Variants in SLC35F2 observed in about 807,000 individuals in gnomAD.
SLC35F2 encodes the protein solute carrier family 35 member F2, also known as queuine/queuosine transporter SLC35F2.
SLC35F2 carries 25 observed loss-of-function variants against 38.1 expected under a neutral mutation model. The ratio of observed to expected loss-of-function variants is 0.66; its 90% CI spans 0.48 to 0.92. The LOEUF is 0.92. Among genes scored for constraint, SLC35F2 ranks in the 40% least tolerant of loss-of-function variants. The pLI, the probability that SLC35F2 is intolerant of heterozygous loss-of-function variation, is 0.00. For missense variants in SLC35F2, 409 were observed against 452.9 expected, an observed-to-expected ratio of 0.90 and a Z score of 0.88; for synonymous variants, 173 against 181.7, an observed-to-expected ratio of 0.95 and a Z score of 0.38.
chr11:107,829,123 G>T (rs1342459144), intron 1 of SLC35F2, among the ~76,000 whole-genome samples: 1 of 139,582 alleles, frequency 7.2e-6, no homozygotes, highest in African/African-American at 2.7e-5. Flanking sequence ...GAGGTCAGTA[G>T]GAAAAAAAAA....
At chr11:107,817,838 TCA>T (rs1859600736) in intron 1 of SLC35F2, among the ~76,000 whole-genome samples, 1 of 150,882 alleles carries the variant, frequency 6.6e-6, no homozygotes, top group South Asian at 2.1e-4. Context: ...GGCAGGCGGA[TCA>T]CAAAGTCAGG....
intron 3 of SLC35F2, among the ~76,000 whole-genome samples, chr11:107,809,420 C>T (rs1859446883): frequency 6.7e-6 from 1 of 148,826 alleles, no homozygotes; most frequent in Non-Finnish European, 1.5e-5. Flanking sequence ...CAAGATTATC[C>T]CACTTCACTC....
At chr11:107,821,699 A>G (rs1446399704) in intron 1 of SLC35F2, 23 of 828,880 alleles carry the variant, frequency 2.8e-5, no homozygotes, top group Non-Finnish European at 3.3e-5. Flanking sequence ...TGACCTTGGG[A>G]TATATCCTGT....
chr11:107,801,052 G>A (rs1246313885), intron 7 of SLC35F2, among the ~76,000 whole-genome samples: 4 of 151,968 alleles, frequency 2.6e-5, no homozygotes, highest in Non-Finnish European at 4.4e-5. Context: ...TTACAGGCAT[G>A]TGCCACCACA....
chr11:107,793,979 C>T (rs1165880928), intron 7 of SLC35F2, among the ~76,000 whole-genome samples: 2 of 151,888 alleles, frequency 1.3e-5, no homozygotes, highest in African/African-American at 4.8e-5. Context: ...AAATGATATA[C>T]CCCAAAAGTC....
intron 1 of SLC35F2, among the ~76,000 whole-genome samples, chr11:107,829,003 G>A (rs544682804): frequency 6.6e-5 from 10 of 151,804 alleles, no homozygotes; most frequent in African/African-American, 2.4e-4. Context: ...AGCCACTCAG[G>A]AGGCTGAGGC....
chr11:107,823,255 CTTTT>C, intron 1 of SLC35F2: 2 of 979,596 alleles, frequency 2.0e-6, no homozygotes, highest in Non-Finnish European at 2.4e-6. Flanking sequence ...TTATTCTTTT[CTTTT>C]TATTTGAAAA....
intron 1 of SLC35F2, among the ~76,000 whole-genome samples, chr11:107,817,077 A>T (rs930499229): frequency 1.4e-4 from 21 of 152,122 alleles, no homozygotes; most frequent in Non-Finnish European, 2.5e-4. Flanking sequence ...TGAGTTCGAG[A>T]CCAGCCTGGC....
chr11:107,792,719 C>T lies in SLC35F2; in HGVS notation c.1021G>A (p.Glu341Lys), dbSNP rs745418632. 53 of 1,613,796 alleles carry T rather than the reference C, an allele frequency of 3.3e-5. No individual in the cohort carries two copies. Among genetic ancestry groups the T allele is most frequent in the South Asian group, 1.8e-4 (16 of 91,006 alleles). The change falls in exon 8 of 8, where the codon GAG (glutamate) becomes AAG (lysine). Residue 341 changes from glutamate (E) to lysine (K), a missense_variant. Glu to Lys is a moderately conservative substitution (Grantham distance 56, BLOSUM62 1). Transcript: ENST00000525815. ...GGAGGCACGCTGCTTTCAGCCGGCT[C>T]GGCCGTGCGAGTAGGGGTGGAGCAG... is the stretch of plus-strand genomic sequence containing the variant. ...LYCSTPTRTA[E>K]PAESSVPPVT...
intron 1 of SLC35F2, among the ~76,000 whole-genome samples, chr11:107,838,428 G>A (rs189088996): frequency 9.6e-4 from 146 of 152,142 alleles, no homozygotes; most frequent in East Asian, 5.8e-4. Context: ...GGGTTCAAGC[G>A]ATTCTCCTGA....
intron 1 of SLC35F2, among the ~76,000 whole-genome samples, chr11:107,842,794 T>C (rs1042895361): frequency 6.6e-6 from 1 of 152,218 alleles, no homozygotes; most frequent in African/African-American, 2.4e-5. Flanking sequence ...TCTAGATATA[T>C]GTATATGTGC....
At chr11:107,855,405 C>A (rs1860260947) in intron 1 of SLC35F2, among the ~76,000 whole-genome samples, 2 of 152,170 alleles carry the variant, frequency 1.3e-5, no homozygotes. Context: ...GTAATCCCAG[C>A]ACTTTGGGAG....
intron 3 of SLC35F2, chr11:107,810,152 G>A (rs963547435): frequency 3.0e-6 from 3 of 985,270 alleles, no homozygotes; most frequent in Admixed American, 6.2e-5. Context: ...CACAGCTGTC[G>A]CTGCTGCTGG....
At chr11:107,794,272 G>A (rs1440927794) in intron 7 of SLC35F2, among the ~76,000 whole-genome samples, 1 of 151,854 alleles carries the variant, frequency 6.6e-6, no homozygotes, top group Non-Finnish European at 1.5e-5. Context: ...GTAGAGACGG[G>A]GTTTCACCAT....
At chr11:107,823,928 A>G in intron 1 of SLC35F2, 1 of 55,518 alleles carries the variant, frequency 1.8e-5, no homozygotes, top group Non-Finnish European at 2.0e-5. Context: ...GACAGTCTCA[A>G]AAAAAAAAAA....
At chr11:107,858,162 C>T (rs1860325670) in intron 1 of SLC35F2, among the ~76,000 whole-genome samples, 1 of 152,204 alleles carries the variant, frequency 6.6e-6, no homozygotes, top group Non-Finnish European at 1.5e-5. Context: ...GCTCTGGTCT[C>T]CCACCCGGCA....
In SLC35F2 at chr11:107,833,788, A is replaced by G. The variant is rs954989003; in HGVS notation, c.111-17823T>C. On this transcript the variant is annotated intron_variant, in intron 1 of 7. Transcript: ENST00000525815. ...CTCAAAATTCTCTCGGCCCCAAGGA[A>G]GGGGCTTGATTAACTTTTATACCTT... 2.0e-5 allele frequency among the ~76,000 whole-genome samples: 3 copies of G among 152,328 alleles called. No homozygotes were observed. In the South Asian group the frequency reaches 6.2e-4, roughly 32 times the overall value.
chr11:107,794,541 C>T (rs1375307951), intron 7 of SLC35F2, among the ~76,000 whole-genome samples: 1 of 152,158 alleles, frequency 6.6e-6, no homozygotes, highest in East Asian at 1.9e-4. Context: ...GCAAACTCAA[C>T]TTATGATTAA....
chr11:107,854,371 TG>T (rs1460852731), intron 1 of SLC35F2, among the ~76,000 whole-genome samples: 1 of 151,848 alleles, frequency 6.6e-6, no homozygotes, highest in Non-Finnish European at 1.5e-5. Context: ...AGGTCGAGGC[TG>T]CAGTAAGCCA....
Sources: allele counts gnomAD v4.1 joint callset (sites outside exome capture counted in the v4.1 genomes callset), GRCh38; gene constraint gnomAD v4.1.1; transcripts MANE v1.5; gene names NCBI Gene and HGNC (gene_info 2026-07-23, HGNC 2026-07-21).